C8orf34: variants seen among roughly 807,000 people sequenced by gnomAD.
The protein encoded by C8orf34 is uncharacterized protein C8orf34.
A neutral mutation model predicts 68.3 loss-of-function variants in C8orf34; 65 were observed. The ratio of observed to expected loss-of-function variants is 0.95; its 90% CI spans 0.78 to 1.17. The LOEUF is 1.17. Ranked by LOEUF, C8orf34 falls within the 50% of genes most tolerant of loss-of-function variation. C8orf34 has a pLI of 0.00. For missense variants in C8orf34, 664 were observed against 655.4 expected, an observed-to-expected ratio of 1.01 and a Z score of -0.14; for synonymous variants, 244 against 241.2, an observed-to-expected ratio of 1.01 and a Z score of -0.11.
chr8:68,334,597 G>A (rs1175357150), intron 1 of C8orf34, among the ~76,000 whole-genome samples: 1 of 152,058 alleles, frequency 6.6e-6, no homozygotes, highest in Non-Finnish European at 1.5e-5. Context: ...ACTCACAAGA[G>A]TGTGAAATCT....
At chr8:68,481,962 A>G (rs1042777111) in intron 4 of C8orf34, among the ~76,000 whole-genome samples, 2 of 152,142 alleles carry the variant, frequency 1.3e-5, no homozygotes, top group Admixed American at 6.5e-5. Flanking sequence ...TTGAAATGTG[A>G]GGACATGAGA....
At chr8:68,652,385 C>G (rs1327557288) in intron 8 of C8orf34, among the ~76,000 whole-genome samples, 1 of 152,022 alleles carries the variant, frequency 6.6e-6, no homozygotes, top group African/African-American at 2.4e-5. Context: ...TTGATGGTGT[C>G]TTTTGAAGCA....
intron 10 of C8orf34, among the ~76,000 whole-genome samples, chr8:68,766,443 G>C (rs900923122): frequency 3.3e-5 from 5 of 152,016 alleles, no homozygotes; most frequent in African/African-American, 1.2e-4. Context: ...TTTTTAAAGA[G>C]CTTAATGGAG....
chr8:68,806,577 T>C (rs917381065), intron 12 of C8orf34, among the ~76,000 whole-genome samples: 1 of 152,204 alleles, frequency 6.6e-6, no homozygotes, highest in East Asian at 1.9e-4. Flanking sequence ...CGTCTTCAAA[T>C]GTTAACATTT....
At chr8:68,464,142 C>T (rs1811990194) in intron 3 of C8orf34, among the ~76,000 whole-genome samples, 1 of 152,096 alleles carries the variant, frequency 6.6e-6, no homozygotes, top group Non-Finnish European at 1.5e-5. Context: ...TTCTTATACA[C>T]CAATAACAGA....
At chr8:68,634,678 T>G (rs981763190) in intron 7 of C8orf34, among the ~76,000 whole-genome samples, 2 of 152,226 alleles carry the variant, frequency 1.3e-5, no homozygotes, top group Non-Finnish European at 2.9e-5. Context: ...GCATAGATTA[T>G]TAGTATCCTT....
At chr8:68,816,016 TG>T (rs2129530144) in intron 13 of C8orf34, 71 bp downstream of exon 13, 1 of 1,611,192 alleles carries the variant, frequency 6.2e-7, no homozygotes, top group East Asian at 2.2e-5. Context: ...GCTCAGGATT[TG>T]TATTAAAAAA....
At chr8:68,396,257 T>G (rs1036263087) in intron 1 of C8orf34, among the ~76,000 whole-genome samples, 1 of 152,130 alleles carries the variant, frequency 6.6e-6, no homozygotes, top group African/African-American at 2.4e-5. Flanking sequence ...GCTTGTTTAT[T>G]GAACTTACCA....
At chr8:68,542,100 A>T (rs1426420975) in intron 7 of C8orf34, among the ~76,000 whole-genome samples, 1 of 152,172 alleles carries the variant, frequency 6.6e-6, no homozygotes, top group Non-Finnish European at 1.5e-5. Context: ...CCTGATTTAT[A>T]GTCATAGACA....
chr8:68,529,521 T>C (rs1162491798), intron 6 of C8orf34, among the ~76,000 whole-genome samples: 1 of 152,228 alleles, frequency 6.6e-6, no homozygotes, highest in East Asian at 1.9e-4. Flanking sequence ...AGATTCTTTA[T>C]TTATCCCACT....
intron 2 of C8orf34, 22 bp from the exon 3 acceptor site, chr8:68,446,307 T>G: frequency 1.9e-6 from 3 of 1,560,498 alleles, no homozygotes; most frequent in Non-Finnish European, 2.6e-6. Context: ...GTTGCCATTT[T>G]ATATATATTT....
intron 1 of C8orf34, among the ~76,000 whole-genome samples, chr8:68,331,770 CTT>C (rs1304480635): frequency 2.2e-5 from 1 of 45,204 alleles, no homozygotes; most frequent in Non-Finnish European, 4.9e-5. Flanking sequence ...TTTTTCTTTT[CTT>C]TTCTTTCCTT....
intron 10 of C8orf34, among the ~76,000 whole-genome samples, chr8:68,731,873 T>C (rs1821987902): frequency 1.3e-5 from 2 of 152,254 alleles, no homozygotes; most frequent in Admixed American, 1.3e-4. Flanking sequence ...TATTCCCAAA[T>C]AGTTTGTCCC....
intron 13 of C8orf34, 113 bp downstream of exon 13, chr8:68,816,058 T>C (rs1824803509): frequency 6.5e-7 from 1 of 1,542,162 alleles, no homozygotes; most frequent in Non-Finnish European, 8.9e-7. Flanking sequence ...CTAATGAGAA[T>C]AGGTTTTTCT....
At chr8:68,531,918 A>G (rs1359755834) in intron 6 of C8orf34, among the ~76,000 whole-genome samples, 3 of 152,076 alleles carry the variant, frequency 2.0e-5, no homozygotes, top group Non-Finnish European at 4.4e-5. Flanking sequence ...CAAAGTAGCA[A>G]GAGAAGGTGG....
At chr8:68,392,181 A>AT (rs1246632457) in intron 1 of C8orf34, among the ~76,000 whole-genome samples, 6 of 151,644 alleles carry the variant, frequency 4.0e-5, no homozygotes, top group South Asian at 2.1e-4. Context: ...TCTTTTTATA[A>AT]TTTTTTTTCA....
chr8:68,367,657 C>A (rs1338195063), intron 1 of C8orf34, among the ~76,000 whole-genome samples: 1 of 140,514 alleles, frequency 7.1e-6, no homozygotes, highest in South Asian at 2.4e-4. Context: ...GAACAAAAAA[C>A]CAAACACCAC....
At chr8:68,523,915 CTCCA>C (rs2060900483) in intron 6 of C8orf34, among the ~76,000 whole-genome samples, 1 of 152,160 alleles carries the variant, frequency 6.6e-6, no homozygotes. Flanking sequence ...TCAAGCATGA[CTCCA>C]TCCATTTTTC....
At chr8:68,783,640 C>G (rs1823758351) in intron 11 of C8orf34, among the ~76,000 whole-genome samples, 1 of 151,964 alleles carries the variant, frequency 6.6e-6, no homozygotes, top group Non-Finnish European at 1.5e-5. Context: ...TCTGGAAGTC[C>G]CTCCCTACTT....
Sources: gnomAD v4.1 joint callset for allele counts (sites outside exome capture counted in the v4.1 genomes callset) on GRCh38, gnomAD v4.1.1 for gene constraint, MANE v1.5 for transcripts, NCBI Gene and HGNC (gene_info 2026-07-23, HGNC 2026-07-21) for gene names.